PPP2R3A: variants seen among roughly 807,000 people sequenced by gnomAD.
PPP2R3A encodes the protein protein phosphatase 2 regulatory subunit B''alpha, also known as serine/threonine-protein phosphatase 2A regulatory subunit B'' subunit alpha.
In PPP2R3A, 80 loss-of-function variants were observed where a neutral mutation model predicts 106.9. The ratio of observed to expected loss-of-function variants is 0.75; its 90% confidence interval spans 0.62 to 0.90. The LOEUF is 0.90. Among genes scored for constraint, PPP2R3A ranks in the 40% least tolerant of loss-of-function variants. The pLI is 0.00. For synonymous variants in PPP2R3A, 483 were observed against 468.3 expected (o/e 1.03, Z -0.41); for missense variants, 1,386 against 1,350.4 (o/e 1.03, Z -0.41).
At chr3:136,139,709 A>G (rs1938778303) in intron 13 of PPP2R3A, among the ~76,000 whole-genome samples, 1 of 148,078 alleles carries the variant, frequency 6.8e-6, no homozygotes, top group African/African-American at 2.5e-5. Context: ...AAAAAAAAAA[A>G]GAGTTTGTTC....
intron 10 of PPP2R3A, among the ~76,000 whole-genome samples, chr3:136,091,834 T>G (rs1373388090): frequency 6.6e-6 from 1 of 152,202 alleles, no homozygotes; most frequent in Non-Finnish European, 1.5e-5. Context: ...TATATGCTAC[T>G]CTTTTTCATA....
At chr3:136,137,533 G>GATTTTTTTTTTTTT (rs1559941188) in intron 13 of PPP2R3A, among the ~76,000 whole-genome samples, 1 of 38,442 alleles carries the variant, frequency 2.6e-5, no homozygotes, top group Non-Finnish European at 6.0e-5. Flanking sequence ...CTCTGTCAGA[G>GATTTTTTTTTTTTT]ATTTTTTTTT....
At chr3:136,053,006 A>G (rs146023366) in intron 5 of PPP2R3A, among the ~76,000 whole-genome samples, 217 of 152,340 alleles carry the variant, frequency 1.4e-3, no homozygotes, top group African/African-American at 5.0e-3. Flanking sequence ...GGAGGCCATT[A>G]TCCTTAGCAA....
At position 136,023,222 on chromosome 3, in the gene PPP2R3A, G is replaced by GTT; in HGVS notation, c.1996-3607_1996-3606dup. On this transcript the variant is annotated intron_variant, in intron 2 of 13. Transcript: ENST00000264977. ...CACAGGTTTGAAATTTGGGTGTTTT[G>GTT]TTTTGTTTTGTTTTGTTTTGTTTTG... 2.6e-6 allele frequency: 4 copies of GTT among 1,528,456 alleles called. No individual in the cohort carries two copies. In the South Asian group the frequency reaches 3.5e-5, roughly 14 times the overall value. The allele number at this position is 1,528,456 out of a possible 1,614,324, so 94.7% of individuals were successfully genotyped here.
intron 4 of PPP2R3A, among the ~76,000 whole-genome samples, chr3:136,047,322 G>A (rs9880721): frequency 0.26 from 38,971 of 152,078 alleles, 5,450 homozygotes; most frequent in Non-Finnish European, 0.32. Flanking sequence ...AAGTCATTCT[G>A]CCAAAAAGAC....
chr3:136,078,944 G>A (rs1308477707), intron 7 of PPP2R3A, among the ~76,000 whole-genome samples: 3 of 152,184 alleles, frequency 2.0e-5, no homozygotes, highest in East Asian at 1.9e-4. Context: ...TACCAAATGA[G>A]AGAGAAAGTA....
chr3:136,041,055 A>C (rs1935250408), intron 4 of PPP2R3A, 93 bp downstream of exon 4: 2 of 999,212 alleles, frequency 2.0e-6, no homozygotes, highest in Non-Finnish European at 2.9e-6. Context: ...ACTCATTTAT[A>C]CATTTTCCCT....
intron 1 of PPP2R3A, among the ~76,000 whole-genome samples, chr3:135,979,875 A>G (rs1483923037): frequency 6.6e-6 from 1 of 151,866 alleles, no homozygotes; most frequent in Non-Finnish European, 1.5e-5. Context: ...GTATATTTGC[A>G]TGTTGTAGAA....
At chr3:136,135,193 C>A (rs1393786) in intron 13 of PPP2R3A, among the ~76,000 whole-genome samples, 29,757 of 151,868 alleles carry the variant, frequency 0.2, 3,415 homozygotes, top group Non-Finnish European at 0.27. Flanking sequence ...GAAATTCAAC[C>A]GTTGTATATG....
At chr3:135,991,265 T>G (rs189847222) in intron 1 of PPP2R3A, among the ~76,000 whole-genome samples, 3 of 152,308 alleles carry the variant, frequency 2.0e-5, no homozygotes, top group African/African-American at 7.2e-5. Flanking sequence ...TAAACTGTGT[T>G]GTAAAATACA....
intron 4 of PPP2R3A, among the ~76,000 whole-genome samples, chr3:136,041,208 ATAGT>A (rs1334004939): frequency 2.9e-5 from 4 of 135,674 alleles, no homozygotes; most frequent in Non-Finnish European, 4.7e-5. Flanking sequence ...AAACTATTTG[ATAGT>A]TTATTAGTTT....
intron 4 of PPP2R3A, among the ~76,000 whole-genome samples, chr3:136,044,362 C>T (rs959470567): frequency 6.6e-6 from 1 of 151,842 alleles, no homozygotes; most frequent in Admixed American, 6.6e-5. Context: ...GTCTTGAGGG[C>T]GGTTGGGATA....
chr3:135,994,910 C>T (rs992968886), intron 1 of PPP2R3A, among the ~76,000 whole-genome samples: 3 of 152,200 alleles, frequency 2.0e-5, no homozygotes, highest in African/African-American at 7.2e-5. Context: ...TTATCTGCTG[C>T]TTCTAAACCT....
chr3:136,144,978 A>G (rs1442795609), intron 13 of PPP2R3A, 65 bp from the exon 14 acceptor site: 10 of 1,552,990 alleles, frequency 6.4e-6, no homozygotes, highest in Non-Finnish European at 8.7e-6. Flanking sequence ...CGGATTTGCC[A>G]TATTGATTTC....
chr3:136,116,161 G>C (rs1293236319), intron 13 of PPP2R3A, among the ~76,000 whole-genome samples: 1 of 152,166 alleles, frequency 6.6e-6, no homozygotes, highest in Admixed American at 6.5e-5. Context: ...AAGCGAAAGA[G>C]AAATAAAATC....
At chr3:135,985,863 T>C (rs763496457) in intron 1 of PPP2R3A, among the ~76,000 whole-genome samples, 12 of 152,282 alleles carry the variant, frequency 7.9e-5, no homozygotes, top group South Asian at 2.1e-4. Flanking sequence ...GTAAGACTTA[T>C]GACAGAAATA....
rs556128859 is a variant in PPP2R3A at position 136,060,199 on chromosome 3, A to G, written c.2470-10279A>G. 4.6e-5 allele frequency among the ~76,000 whole-genome samples: 7 copies of G among 152,204 alleles called. No individual in the cohort carries two copies. In the South Asian group the frequency reaches 1.5e-3, roughly 32 times the overall value. On this transcript the variant is annotated intron_variant, in intron 5 of 13. Coordinates refer to ENST00000264977, the MANE Select transcript of PPP2R3A (RefSeq NM_002718.5). ...CAGTCAGCTTTAAACAAAGAAGGAA[A>G]CTCTGTTATTTGCAGCAACATGGAT...
At chr3:136,007,181 T>G (rs180875381) in intron 2 of PPP2R3A, among the ~76,000 whole-genome samples, 5 of 152,364 alleles carry the variant, frequency 3.3e-5, no homozygotes, top group African/African-American at 1.2e-4. Flanking sequence ...GAAGGAGATG[T>G]GTGAATCTCT....
chr3:136,132,016 G>GT (rs1457308429), intron 13 of PPP2R3A, among the ~76,000 whole-genome samples: 1 of 150,936 alleles, frequency 6.6e-6, no homozygotes, highest in African/African-American at 2.4e-5. Context: ...CTGTCAGGGG[G>GT]TGGGGGGGGC....
Sources: gnomAD v4.1 joint callset for allele counts (sites outside exome capture counted in the v4.1 genomes callset) on GRCh38, gnomAD v4.1.1 for gene constraint, MANE v1.5 for transcripts, NCBI Gene and HGNC (gene_info 2026-07-23, HGNC 2026-07-21) for gene names.